The following RSBN1L variants were observed in gnomAD, a reference collection of about 807,000 sequenced individuals.
RSBN1L encodes the protein lysine-specific demethylase RSBN1L.
In RSBN1L, 30 loss-of-function variants were observed where a neutral mutation model predicts 67.7. That is an observed-to-expected ratio of 0.44 (90% CI 0.33 to 0.60). RSBN1L has a LOEUF of 0.60. Among genes scored for constraint, RSBN1L ranks in the 20% least tolerant of loss-of-function variants. The probability of loss-of-function intolerance (pLI) is 0.02; values close to 1 mark genes in which losing one functional copy is unlikely to be tolerated. For missense variants in RSBN1L, 992 were observed against 1,031.7 expected, an observed-to-expected ratio of 0.96 and a Z score of 0.53; for synonymous variants, 433 against 387.0, an observed-to-expected ratio of 1.12 and a Z score of -1.39.
chr7:77,740,393 G>A (rs1157630424), intron 2 of RSBN1L, among the ~76,000 whole-genome samples: 1 of 152,206 alleles, frequency 6.6e-6, no homozygotes, highest in East Asian at 1.9e-4. Flanking sequence ...TTGCTGGTGA[G>A]CAGTTAGAAT....
intron 4 of RSBN1L, 122 bp from the exon 5 acceptor site, chr7:77,768,539 A>G: frequency 1.2e-6 from 1 of 819,608 alleles, no homozygotes; most frequent in Non-Finnish European, 1.9e-6. Context: ...TATGTATTTC[A>G]GATGCTTAAG....
intron 5 of RSBN1L, among the ~76,000 whole-genome samples, chr7:77,772,883 T>C (rs961598527): frequency 6.6e-6 from 1 of 152,232 alleles, no homozygotes; most frequent in Non-Finnish European, 1.5e-5. Context: ...AAAGATTCTG[T>C]GTATAGGGAA....
intron 3 of RSBN1L, among the ~76,000 whole-genome samples, chr7:77,751,594 T>C (rs1791557156): frequency 6.6e-6 from 1 of 152,228 alleles, no homozygotes; most frequent in African/African-American, 2.4e-5. Flanking sequence ...GTTACTTGTC[T>C]GAGGTTACAC....
intron 2 of RSBN1L, among the ~76,000 whole-genome samples, chr7:77,739,002 C>A (rs1163924598): frequency 1.3e-5 from 2 of 152,122 alleles, no homozygotes; most frequent in African/African-American, 2.4e-5. Flanking sequence ...GTGTGTAGTA[C>A]ATAGATAATT....
rs867431738 is a variant in RSBN1L at position 77,742,703 on chromosome 7, G to A, written c.703+6177G>A. 2.0e-5 allele frequency among the ~76,000 whole-genome samples: 3 copies of A among 152,248 alleles called. No homozygotes were observed. In the South Asian group the frequency reaches 6.2e-4, roughly 32 times the overall value. ...AAATACAAAATTAGCCAGGCGTGGT[G>A]GTGCATGCCTGTAATTCCAGCTACT... On this transcript the variant is annotated intron_variant, in intron 2 of 7. Transcript: ENST00000334955.
intron 3 of RSBN1L, among the ~76,000 whole-genome samples, chr7:77,759,335 C>A (rs1447986627): frequency 6.6e-6 from 1 of 152,116 alleles, no homozygotes; most frequent in African/African-American, 2.4e-5. Flanking sequence ...AAAAAGCTTT[C>A]CCCCTTTATT....
At position 77,778,942 on chromosome 7, in the gene RSBN1L, C is replaced by T; in HGVS notation, c.2315C>T (p.Pro772Leu). The change falls in exon 8 of 8, where the codon CCT (proline) becomes CTT (leucine). Residue 772 changes from proline (P) to leucine (L), a missense_variant. Pro to Leu is a moderately conservative substitution (Grantham distance 98). Coordinates refer to ENST00000334955, the MANE Select transcript of RSBN1L (RefSeq NM_198467.3). ...GAAGAACCTGTGAATGTTAATATTC[C>T]TGAAAAGACTACAGCACTGAATAAT... is the stretch of plus-strand genomic sequence containing the variant. Reference protein sequence around the residue: ...IKEEPVNVNIPEKTTALNNMD... With the variant: ...IKEEPVNVNILEKTTALNNMD... 1 of 1,613,800 alleles carries T rather than the reference C, an allele frequency of 6.2e-7. No individual in the cohort carries two copies. Among genetic ancestry groups the T allele is most frequent in the Non-Finnish European group, 8.5e-7 (1 of 1,179,812 alleles).
intron 6 of RSBN1L, among the ~76,000 whole-genome samples, chr7:77,775,739 A>G (rs1381925420): frequency 6.6e-6 from 1 of 152,040 alleles, no homozygotes; most frequent in African/African-American, 2.4e-5. Flanking sequence ...ATCTTGATGA[A>G]TTTTTATATG....
chr7:77,735,219 A>C (rs6465789), intron 1 of RSBN1L, among the ~76,000 whole-genome samples: 88,230 of 151,974 alleles, frequency 0.58, 27,679 homozygotes, highest in African/African-American at 0.83. Flanking sequence ...AGTATGGTAG[A>C]CACTAGTTTT....
intron 1 of RSBN1L, among the ~76,000 whole-genome samples, chr7:77,704,991 T>G (rs372298729): frequency 1.1e-4 from 17 of 149,138 alleles, no homozygotes; most frequent in Admixed American, 5.3e-4. Context: ...AAAAAAAAAG[T>G]TGTGTGTGTG....
intron 1 of RSBN1L, among the ~76,000 whole-genome samples, chr7:77,704,320 A>G (rs1790859780): frequency 6.6e-6 from 1 of 152,260 alleles, no homozygotes; most frequent in African/African-American, 2.4e-5. Context: ...CTTTTCAAGT[A>G]ATGGATAAAC....
intron 3 of RSBN1L, among the ~76,000 whole-genome samples, chr7:77,758,527 G>A (rs376414432): frequency 2.0e-5 from 3 of 152,166 alleles, no homozygotes; most frequent in East Asian, 1.9e-4. Context: ...GTTAAAATGT[G>A]CAATTATTAC....
rs973652887 is a variant in RSBN1L at position 77,779,823 on chromosome 7, TTTTTTTTC to T, written c.*671_*678del. 3 of 151,806 alleles carry T rather than the reference TTTTTTTTC, an allele frequency of 2.0e-5. No individual in the cohort carries two copies. The highest frequency in any genetic ancestry group is 4.4e-5 in the Non-Finnish European group (3 of 67,842). 9.4% of individuals were successfully genotyped at this position (151,806 alleles called of 1,614,324 possible). On this transcript the variant is annotated 3_prime_UTR_variant, in exon 8 of 8. Coordinates refer to ENST00000334955, the MANE Select transcript of RSBN1L (RefSeq NM_198467.3). ...TTCCTCACACTGTGCAGGCTTTTTT[TTTTTTTTC>T]TTTTTTTCTTTTTTTTGATACGGAG...
At chr7:77,749,345 A>T (rs1410370108) in intron 2 of RSBN1L, 79 bp from the exon 3 acceptor site, 20 of 1,085,086 alleles carry the variant, frequency 1.8e-5, no homozygotes, top group Non-Finnish European at 2.4e-5. Context: ...TAAACTTCTT[A>T]CTTAGACAAA....
chr7:77,717,272 G>T (rs1791061305), intron 1 of RSBN1L, among the ~76,000 whole-genome samples: 1 of 152,090 alleles, frequency 6.6e-6, no homozygotes, highest in African/African-American at 2.4e-5. Context: ...TCGTCTTAGA[G>T]ATTTTTATTG....
intron 2 of RSBN1L, among the ~76,000 whole-genome samples, chr7:77,745,911 C>T (rs2150424467): frequency 6.6e-6 from 1 of 152,274 alleles, no homozygotes; most frequent in South Asian, 2.1e-4. Flanking sequence ...CTAGATTCCT[C>T]ACATGCATGG....
intron 3 of RSBN1L, among the ~76,000 whole-genome samples, chr7:77,762,668 A>C (rs1791710492): frequency 6.6e-6 from 1 of 152,020 alleles, no homozygotes; most frequent in Admixed American, 6.6e-5. Flanking sequence ...TTACCACCCA[A>C]GTTTTACCCA....
intron 3 of RSBN1L, among the ~76,000 whole-genome samples, chr7:77,750,783 T>C (rs914803050): frequency 1.3e-5 from 2 of 152,196 alleles, no homozygotes; most frequent in Admixed American, 1.3e-4. Context: ...GAACGGTTTT[T>C]GGTTTCTAGG....
intron 1 of RSBN1L, among the ~76,000 whole-genome samples, chr7:77,735,776 T>C (rs1791326138): frequency 2.6e-5 from 4 of 152,032 alleles, no homozygotes; most frequent in Admixed American, 2.6e-4. Context: ...CTATCAAATA[T>C]TTTGTTTGAA....
Sources: allele counts gnomAD v4.1 joint callset (sites outside exome capture counted in the v4.1 genomes callset), GRCh38; gene constraint gnomAD v4.1.1; transcripts MANE v1.5; gene names NCBI Gene and HGNC (gene_info 2026-07-23, HGNC 2026-07-21).